The following TMEM132B variants were observed in gnomAD, a reference collection of about 807,000 sequenced individuals.
TMEM132B encodes the protein transmembrane protein 132B.
A neutral mutation model predicts 90.8 loss-of-function variants in TMEM132B; 18 were observed. The ratio of observed to expected loss-of-function variants is 0.20; its 90% confidence interval spans 0.14 to 0.29. The LOEUF (loss-of-function observed/expected upper bound fraction) is 0.29, where lower values mean the gene tolerates loss of function less well. TMEM132B is among the 10% of genes least tolerant of loss of function. TMEM132B has a pLI of 1.00. For missense variants in TMEM132B, 1,096 were observed against 1,326.8 expected (o/e 0.83, Z 2.70); for synonymous variants, 504 against 523.3 (o/e 0.96, Z 0.50).
chr12:125,520,421 T>G (rs1883278881), intron 4 of TMEM132B, among the ~76,000 whole-genome samples: 1 of 152,224 alleles, frequency 6.6e-6, no homozygotes, highest in South Asian at 2.1e-4. Flanking sequence ...TGGGTGCTTT[T>G]GATCATTCAT....
At chr12:125,402,232 C>G (rs1879340588) in intron 2 of TMEM132B, among the ~76,000 whole-genome samples, 3 of 152,194 alleles carry the variant, frequency 2.0e-5, no homozygotes. Flanking sequence ...CTCTGTCACC[C>G]AGGCTGGAGT....
At chr12:125,595,340 C>T (rs1015054447) in intron 5 of TMEM132B, among the ~76,000 whole-genome samples, 1 of 152,160 alleles carries the variant, frequency 6.6e-6, no homozygotes, top group African/African-American at 2.4e-5. Flanking sequence ...AATGTCGCTG[C>T]TCATGGAAAG....
chr12:125,414,544 C>A (rs117589672), intron 2 of TMEM132B, among the ~76,000 whole-genome samples: 4,911 of 152,226 alleles, frequency 0.032, 110 homozygotes, highest in Middle Eastern at 0.055. Context: ...TCTTGTGGGT[C>A]CACAGGCTTC....
intron 1 of TMEM132B, among the ~76,000 whole-genome samples, chr12:125,316,587 T>C (rs1354322151): frequency 5.4e-5 from 1 of 18,684 alleles, no homozygotes; most frequent in Non-Finnish European, 7.9e-5. Context: ...TAGAAGGTGG[T>C]CAAAGAAGGC....
intron 3 of TMEM132B, among the ~76,000 whole-genome samples, chr12:125,509,734 G>C (rs1882933141): frequency 6.6e-6 from 1 of 152,122 alleles, no homozygotes; most frequent in Admixed American, 6.5e-5. Flanking sequence ...TTAACATTAT[G>C]TTATGAATCA....
chr12:125,387,432 C>T (rs1309861397), intron 2 of TMEM132B, among the ~76,000 whole-genome samples: 1 of 152,196 alleles, frequency 6.6e-6, no homozygotes, highest in Non-Finnish European at 1.5e-5. Context: ...GAAGGTGAAT[C>T]AAGGCAGTGC....
In TMEM132B at chr12:125,652,643, CA is replaced by C. The variant is rs1886956510; in HGVS notation, c.2106+12del. The C allele has an allele frequency of 2.5e-6, 4 of 1,604,660 alleles. No individual in the cohort carries two copies. Among genetic ancestry groups the C allele is most frequent in the Admixed American group, 1.7e-5 (1 of 59,210 alleles). On this transcript the variant is annotated intron_variant, in intron 8 of 8. Coordinates refer to ENST00000682704, the MANE Select transcript of TMEM132B (RefSeq NM_001366854.1). ...CAGTCCCCACAGCAGGTGAGCGTTC[CA>C]GGGGCCCTGCGTCCTTGGTCAGTGG...
chr12:125,607,171 A>G (rs1357779092), intron 5 of TMEM132B, among the ~76,000 whole-genome samples: 5 of 152,224 alleles, frequency 3.3e-5, no homozygotes, highest in Non-Finnish European at 7.4e-5. Context: ...ACAATTTTGG[A>G]AAGTGTAGAG....
At chr12:125,201,014 T>C (rs1365959727) in intron 1 of TMEM132B, among the ~76,000 whole-genome samples, 14 of 152,352 alleles carry the variant, frequency 9.2e-5, no homozygotes, top group Non-Finnish European at 2.1e-4. Flanking sequence ...AACACATTTG[T>C]TTCTAATGGA....
At chr12:125,559,222 G>A (rs770976664) in intron 4 of TMEM132B, among the ~76,000 whole-genome samples, 3 of 152,096 alleles carry the variant, frequency 2.0e-5, no homozygotes, top group Admixed American at 6.5e-5. Flanking sequence ...AAAAATTAGC[G>A]GGGTGTGGTG....
chr12:125,607,082 G>A (rs972850083), intron 5 of TMEM132B, among the ~76,000 whole-genome samples: 6 of 152,114 alleles, frequency 3.9e-5, no homozygotes, highest in Non-Finnish European at 7.4e-5. Flanking sequence ...GGTGAGCTCC[G>A]GTACAGCCTG....
chr12:125,233,939 AT>A (rs1233934235), intron 1 of TMEM132B, among the ~76,000 whole-genome samples: 6 of 152,046 alleles, frequency 3.9e-5, no homozygotes, highest in Admixed American at 2.0e-4. Context: ...TGATCATGGA[AT>A]TTTTTGCTGA....
At chr12:125,252,371 T>C (rs770985750) in intron 1 of TMEM132B, among the ~76,000 whole-genome samples, 7 of 152,144 alleles carry the variant, frequency 4.6e-5, no homozygotes, top group Non-Finnish European at 1.0e-4. Flanking sequence ...CACAGCTTCT[T>C]CCGTTAGGCG....
chr12:125,218,096 C>T (rs1482397256), intron 1 of TMEM132B, among the ~76,000 whole-genome samples: 1 of 152,070 alleles, frequency 6.6e-6, no homozygotes, highest in Non-Finnish European at 1.5e-5. Context: ...GACAAGAGAA[C>T]AATACACATG....
intron 2 of TMEM132B, among the ~76,000 whole-genome samples, chr12:125,366,817 A>G (rs748335350): frequency 6.6e-6 from 1 of 152,126 alleles, no homozygotes; most frequent in Non-Finnish European, 1.5e-5. Flanking sequence ...TAGACTATCT[A>G]TTATTATCTA....
chr12:125,236,924 A>C (rs1422953575), intron 1 of TMEM132B, among the ~76,000 whole-genome samples: 1 of 152,198 alleles, frequency 6.6e-6, no homozygotes, highest in African/African-American at 2.4e-5. Context: ...TGCAGGCAGG[A>C]TGGTGCGGGA....
At chr12:125,299,305 C>A (rs1431420590) in intron 1 of TMEM132B, among the ~76,000 whole-genome samples, 1 of 152,186 alleles carries the variant, frequency 6.6e-6, no homozygotes, top group Non-Finnish European at 1.5e-5. Context: ...ATCTGCTCTT[C>A]CCTGGGCCCT....
intron 1 of TMEM132B, among the ~76,000 whole-genome samples, chr12:125,296,419 G>A (rs1022852136): frequency 3.3e-5 from 5 of 151,944 alleles, no homozygotes; most frequent in African/African-American, 4.8e-5. Context: ...ATGGCCTTCC[G>A]GGACCTCTCT....
chr12:125,311,716 C>G (rs1876129337), intron 1 of TMEM132B, among the ~76,000 whole-genome samples: 1 of 152,192 alleles, frequency 6.6e-6, no homozygotes, highest in Admixed American at 6.5e-5. Flanking sequence ...CTGCACAGAA[C>G]CCCAACCAAA....
Sources: gnomAD v4.1 joint callset for allele counts (sites outside exome capture counted in the v4.1 genomes callset) on GRCh38, gnomAD v4.1.1 for gene constraint, MANE v1.5 for transcripts, NCBI Gene and HGNC (gene_info 2026-07-23, HGNC 2026-07-21) for gene names.